The following TAF4B variants were observed in gnomAD, a reference collection of about 807,000 sequenced individuals.
TAF4B encodes TATA-box binding protein associated factor 4b, also known as transcription initiation factor TFIID subunit 4B.
In TAF4B, 38 loss-of-function variants were observed where a neutral mutation model predicts 86.4. The observed-to-expected ratio is 0.44, with a 90% CI of 0.34 to 0.58. TAF4B has a LOEUF of 0.58. Among genes scored for constraint, TAF4B ranks in the 20% least tolerant of loss-of-function variants. The pLI is 0.02. For synonymous variants in TAF4B, 388 were observed against 391.2 expected, an observed-to-expected ratio of 0.99 and a Z score of 0.10; for missense variants, 988 against 1,027.6, an observed-to-expected ratio of 0.96 and a Z score of 0.53.
chr18:26,231,824 A>G (rs943236339), intron 1 of TAF4B, among the ~76,000 whole-genome samples: 2 of 152,082 alleles, frequency 1.3e-5, no homozygotes, highest in African/African-American at 4.8e-5. Context: ...AGAGCAAAAG[A>G]ACAAAGCTTC....
chr18:26,383,501 T>C lies in TAF4B; in HGVS notation c.2422-6344T>C, dbSNP rs533601788. On this transcript the variant is annotated intron_variant, in intron 14 of 14. Coordinates refer to ENST00000269142, the MANE Select transcript of TAF4B (RefSeq NM_005640.3). ...AGGAGGAAGGGAAGGAATGATAGTTTGAAACATGTAGAATTTGGGATACTT... is the reference window on the plus strand; with the variant it reads ...AGGAGGAAGGGAAGGAATGATAGTTCGAAACATGTAGAATTTGGGATACTT... Among the ~76,000 whole-genome samples, 3 of 152,316 alleles carry C rather than the reference T, an allele frequency of 2.0e-5. No homozygotes were observed. In the East Asian group the frequency reaches 5.8e-4, roughly 29 times the overall value.
intron 1 of TAF4B, among the ~76,000 whole-genome samples, chr18:26,238,633 AC>A (rs1408618835): frequency 6.6e-6 from 1 of 151,900 alleles, no homozygotes; most frequent in African/African-American, 2.4e-5. Context: ...GTACATGTGC[AC>A]AATGTGCAGG....
At chr18:26,380,021 A>G (rs961030847) in intron 14 of TAF4B, among the ~76,000 whole-genome samples, 2 of 152,158 alleles carry the variant, frequency 1.3e-5, no homozygotes, top group African/African-American at 4.8e-5. Flanking sequence ...CCATTCTGCT[A>G]AATTCACTTA....
rs1473683677 is a variant in TAF4B at position 26,382,883 on chromosome 18, A to G, written c.2422-6962A>G. Among the ~76,000 whole-genome samples, 5 of 152,310 alleles carry G rather than the reference A, an allele frequency of 3.3e-5. No individual in the cohort carries two copies. The East Asian group carries it at 7.7e-4, about 23-fold the overall frequency. ...GAAATAAAAAGTACTACTAAAGTGC[A>G]TAGGAGTTGCACCTAGGCTAGACCT... On this transcript the variant is annotated intron_variant, in intron 14 of 14. Coordinates refer to ENST00000269142, the MANE Select transcript of TAF4B (RefSeq NM_005640.3).
intron 13 of TAF4B, among the ~76,000 whole-genome samples, chr18:26,341,283 A>T (rs2057133060): frequency 6.6e-6 from 1 of 152,168 alleles, no homozygotes; most frequent in Non-Finnish European, 1.5e-5. Context: ...ATAAAAGAAA[A>T]AACCAGTAGT....
chr18:26,332,000 C>T (rs1568157760), intron 12 of TAF4B, among the ~76,000 whole-genome samples: 1 of 152,196 alleles, frequency 6.6e-6, no homozygotes, highest in African/African-American at 2.4e-5. Context: ...GTCAACTACT[C>T]GCTCCAGGCA....
chr18:26,279,341 A>G (rs570991943), intron 5 of TAF4B, among the ~76,000 whole-genome samples: 1 of 152,298 alleles, frequency 6.6e-6, no homozygotes, highest in South Asian at 2.1e-4. Context: ...GTCTGCAAGG[A>G]GAAATACAAA....
At chr18:26,363,953 A>T (rs541335431) in intron 14 of TAF4B, among the ~76,000 whole-genome samples, 12 of 152,286 alleles carry the variant, frequency 7.9e-5, no homozygotes, top group East Asian at 3.9e-4. Flanking sequence ...GGTAGTTTTT[A>T]AAAAAATGTA....
intron 14 of TAF4B, among the ~76,000 whole-genome samples, chr18:26,384,203 G>T (rs1978310366): frequency 6.6e-6 from 1 of 152,190 alleles, no homozygotes; most frequent in African/African-American, 2.4e-5. Flanking sequence ...GGTAGAATCT[G>T]AGAATGTCAT....
At chr18:26,346,893 ATATATATG>A (rs1305662852) in intron 13 of TAF4B, among the ~76,000 whole-genome samples, 113 of 8,318 alleles carry the variant, frequency 0.014, 24 homozygotes, top group African/African-American at 0.023. Flanking sequence ...ATATATATAT[ATATATATG>A]TGTGTGTATA....
chr18:26,229,218 T>G (rs1183573242), intron 1 of TAF4B, among the ~76,000 whole-genome samples: 1 of 152,158 alleles, frequency 6.6e-6, no homozygotes, highest in Non-Finnish European at 1.5e-5. Context: ...AGCACTGTAT[T>G]AAAACATTGC....
chr18:26,352,752 T>A (rs944994866), intron 13 of TAF4B, among the ~76,000 whole-genome samples: 3 of 151,982 alleles, frequency 2.0e-5, no homozygotes, highest in Non-Finnish European at 2.9e-5. Context: ...TGAGACCCTG[T>A]CTCCCCGCCA....
chr18:26,327,139 A>G lies in TAF4B; in HGVS notation c.2258A>G (p.Lys753Arg), dbSNP rs1259749058. 6.2e-7 allele frequency: 1 copy of G among 1,610,900 alleles called. No homozygotes were observed. The highest frequency in any genetic ancestry group is 2.2e-5 in the East Asian group (1 of 44,868). Reference sequence around the variant, plus strand: ...AGAGAAATGTTACTTAAGGCAGCCAAGGTAAGGGCCAGTGTGATTTATGAG... The same window carrying G: ...AGAGAAATGTTACTTAAGGCAGCCAGGGTAAGGGCCAGTGTGATTTATGAG... ...EEREMLLKAA[K>R]SRSNKEDPEQ... The change falls in exon 12 of 15, where the codon AAG becomes AGG. Residue 753 changes from lysine to arginine, a missense_variant and splice_region_variant. This residue lies in a region of TAF4B where 216 missense variants were observed against 238.4 expected (regional missense o/e 0.91). Coordinates refer to ENST00000269142, the MANE Select transcript of TAF4B (RefSeq NM_005640.3).
In TAF4B at chr18:26,298,910, A is replaced by G. The variant is rs142070640; in HGVS notation, c.1832+5379A>G. On this transcript the variant is annotated intron_variant, in intron 9 of 14. Coordinates refer to ENST00000269142, the MANE Select transcript of TAF4B (RefSeq NM_005640.3). ...GAGTTTTGCTCTTGTTGCCCAGGCT[A>G]GAGTGCAATGGTGCAATCTCAGCTC... 2.0e-3 allele frequency among the ~76,000 whole-genome samples: 242 copies of G among 119,360 alleles called. 10 individuals carry two copies. The East Asian group carries it at 0.058, about 29-fold the overall frequency. The allele number at this position is 119,360 out of a possible 152,430, so 78.3% of individuals were successfully genotyped here.
At position 26,278,109 on chromosome 18, in the gene TAF4B, G is replaced by C. The variant is rs575018172; in HGVS notation, c.882+3056G>C. Among the ~76,000 whole-genome samples the C allele has an allele frequency of 1.4e-4, 21 of 152,210 alleles. No individual in the cohort carries two copies. In the South Asian group the frequency reaches 3.1e-3, roughly 23 times the overall value. On this transcript the variant is annotated intron_variant, in intron 5 of 14. Coordinates refer to ENST00000269142, the MANE Select transcript of TAF4B (RefSeq NM_005640.3). Reference sequence around the variant, plus strand: ...CTTTTCAGTAAAAATGGAAAAAAGTGGCTAGTTTAGCGACTCAATTACAGT... The same window carrying C: ...CTTTTCAGTAAAAATGGAAAAAAGTCGCTAGTTTAGCGACTCAATTACAGT...
Position 26,265,309 on chromosome 18 carries a change from A to G in TAF4B, c.483A>G (p.Thr161=). 6 of 1,599,660 alleles carry G rather than the reference A, an allele frequency of 3.8e-6. No homozygotes were observed. The South Asian group carries it at 4.6e-5, about 12-fold the overall frequency. The change falls in exon 2 of 15, where the codon ACA becomes ACG. Residue 161 remains threonine (T), a synonymous_variant. Coordinates refer to ENST00000269142, the MANE Select transcript of TAF4B (RefSeq NM_005640.3). The part of the protein sequence containing the change: ...PANPQTVKIC[T]VPNSSSQLIK... ...ATCCTCAAACAGTCAAAATCTGTAC[A>G]GTGCCGGTAATATACCTTAAATATT...
rs2057297526 is a variant in TAF4B at position 26,357,589 on chromosome 18, C to CT, written c.2317-98dup. On this transcript the variant is annotated intron_variant, in intron 13 of 14. Coordinates refer to ENST00000269142, the MANE Select transcript of TAF4B (RefSeq NM_005640.3). ...ATCTAATGTTTATTTTATATTGTAA[C>CT]TTTATTTGGTGAATGCAGAATTAGG... is the stretch of plus-strand genomic sequence containing the variant. The CT allele has an allele frequency of 3.5e-5, 25 of 712,656 alleles. No individual in the cohort carries two copies. The South Asian group carries it at 5.8e-4, about 16-fold the overall frequency. The allele number at this position is 712,656 out of a possible 1,614,324, so 44.1% of individuals were successfully genotyped here.
intron 12 of TAF4B, among the ~76,000 whole-genome samples, chr18:26,327,432 T>C (rs2057013488): frequency 6.6e-6 from 1 of 152,210 alleles, no homozygotes; most frequent in Non-Finnish European, 1.5e-5. Context: ...GGAATCCAAT[T>C]TGATACATGC....
intron 7 of TAF4B, among the ~76,000 whole-genome samples, chr18:26,288,306 C>T (rs181307941): frequency 6.6e-6 from 1 of 152,222 alleles, no homozygotes; most frequent in East Asian, 1.9e-4. Context: ...AGGGAGAAAA[C>T]TAAGAATCCA....
Sources: allele counts gnomAD v4.1 joint callset (sites outside exome capture counted in the v4.1 genomes callset), GRCh38; gene constraint gnomAD v4.1.1; regional missense constraint gnomAD v4.1.1; transcripts MANE v1.5; gene names NCBI Gene and HGNC (gene_info 2026-07-23, HGNC 2026-07-21).